TANGO6: variants seen among roughly 807,000 people sequenced by gnomAD.
TANGO6 encodes the protein transport and Golgi organization protein 6 homolog.
Under a neutral mutation model 114.2 loss-of-function variants are expected in TANGO6, and 90 were observed. That is an observed-to-expected ratio of 0.79 (90% CI 0.66 to 0.94). The LOEUF (loss-of-function observed/expected upper bound fraction) is 0.94, where lower values mean the gene tolerates loss of function less well. Among genes scored for constraint, TANGO6 ranks in the 40% least tolerant of loss-of-function variants. The pLI, the probability that TANGO6 is intolerant of heterozygous loss-of-function variation, is 0.00. For synonymous variants in TANGO6, 477 were observed against 509.8 expected, an observed-to-expected ratio of 0.94 and a Z score of 0.87; for missense variants, 1,274 against 1,315.3, an observed-to-expected ratio of 0.97 and a Z score of 0.49.
chr16:68,996,269 A>G (rs978933545), intron 15 of TANGO6, among the ~76,000 whole-genome samples: 1 of 152,224 alleles, frequency 6.6e-6, no homozygotes, highest in African/African-American at 2.4e-5. Flanking sequence ...TTAATTCTCT[A>G]AATGGCTTTT....
chr16:68,890,168 C>T (rs554099284), intron 7 of TANGO6, among the ~76,000 whole-genome samples: 129 of 152,254 alleles, frequency 8.5e-4, no homozygotes, highest in Non-Finnish European at 5.9e-4. Context: ...AGCTTGATTC[C>T]GAATAGGCCC....
chr16:68,912,092 A>G (rs940708829), intron 11 of TANGO6, among the ~76,000 whole-genome samples: 1 of 152,232 alleles, frequency 6.6e-6, no homozygotes, highest in Non-Finnish European at 1.5e-5. Flanking sequence ...AGAATAAAGC[A>G]TTTGTCTTGT....
At position 68,867,465 on chromosome 16, in the gene TANGO6, G is replaced by C. The variant is rs567975045; in HGVS notation, c.994+245G>C. The stretch of plus-strand genomic sequence containing the variant: ...CCTATTTTATTGAACAATATTGTAA[G>C]CCATTTCAAATAATTTATACTATCT... On this transcript the variant is annotated intron_variant, in intron 4 of 17. Coordinates refer to ENST00000261778, the MANE Select transcript of TANGO6 (RefSeq NM_024562.2). 6.7e-5 allele frequency: 28 copies of C among 415,276 alleles called. No homozygotes were observed. In the South Asian group the frequency reaches 1.0e-3, roughly 15 times the overall value. 25.7% of individuals were successfully genotyped at this position (415,276 alleles called of 1,614,324 possible). A position where few individuals can be genotyped will look rare whatever the true frequency, so the allele number is the denominator to read the frequency against.
chr16:68,968,479 C>T (rs1372784378), intron 14 of TANGO6, among the ~76,000 whole-genome samples: 1 of 151,460 alleles, frequency 6.6e-6, no homozygotes, highest in Non-Finnish European at 1.5e-5. Context: ...ATTCTCCTGT[C>T]TCAGCCTCCC....
intron 16 of TANGO6, among the ~76,000 whole-genome samples, chr16:69,036,854 T>C (rs536694677): frequency 6.6e-6 from 1 of 152,062 alleles, no homozygotes; most frequent in South Asian, 2.1e-4. Context: ...TCCCAGCTAC[T>C]CCGGAGGCCG....
chr16:69,030,602 T>C (rs1959578383), intron 16 of TANGO6, among the ~76,000 whole-genome samples: 1 of 151,978 alleles, frequency 6.6e-6, no homozygotes, highest in Non-Finnish European at 1.5e-5. Context: ...GCCATGTTAC[T>C]TTATAGCCTC....
In TANGO6 at chr16:69,084,444, C is replaced by G. The variant is rs916048084; in HGVS notation, c.*783C>G. 1.3e-5 allele frequency: 2 copies of G among 152,330 alleles called. No homozygotes were observed. Among genetic ancestry groups the G allele is most frequent in the Non-Finnish European group, 1.5e-5 (1 of 68,052 alleles). 9.4% of individuals were successfully genotyped at this position (152,330 alleles called of 1,614,324 possible). A position where few individuals can be genotyped will look rare whatever the true frequency, so the allele number is the denominator to read the frequency against. On this transcript the variant is annotated 3_prime_UTR_variant, in exon 18 of 18. Transcript: ENST00000261778. Reference sequence around the variant, plus strand: ...AGCATCCAGAGAGTTTACATCCTGCCTTCTGTCCTCTGCTCCTTCAGAAAG... The same window carrying G: ...AGCATCCAGAGAGTTTACATCCTGCGTTCTGTCCTCTGCTCCTTCAGAAAG...
chr16:68,969,738 G>A (rs920034029), intron 14 of TANGO6, among the ~76,000 whole-genome samples: 1 of 152,020 alleles, frequency 6.6e-6, no homozygotes, highest in Non-Finnish European at 1.5e-5. Context: ...AAAAGGGTGT[G>A]TTAGGATTAT....
At chr16:68,901,446 A>T (rs1395002418) in intron 8 of TANGO6, among the ~76,000 whole-genome samples, 1 of 152,234 alleles carries the variant, frequency 6.6e-6, no homozygotes, top group South Asian at 2.1e-4. Flanking sequence ...GGGAGGCTGT[A>T]CATCTGTGAA....
intron 17 of TANGO6, among the ~76,000 whole-genome samples, chr16:69,077,221 A>T (rs1567571812): frequency 1.3e-5 from 2 of 150,992 alleles, no homozygotes; most frequent in African/African-American, 2.4e-5. Flanking sequence ...ATTTTATTTT[A>T]TTTTATTTTT....
At chr16:68,970,823 AC>A (rs1963696032) in intron 14 of TANGO6, among the ~76,000 whole-genome samples, 1 of 152,166 alleles carries the variant, frequency 6.6e-6, no homozygotes, top group Admixed American at 6.5e-5. Context: ...CTAAAAGGAA[AC>A]ACCCACCAGA....
chr16:68,899,745 G>C (rs1250605683), intron 7 of TANGO6, among the ~76,000 whole-genome samples: 2 of 151,976 alleles, frequency 1.3e-5, no homozygotes, highest in East Asian at 3.9e-4. Context: ...GACTGTAGGT[G>C]TGCACTACCA....
chr16:68,967,323 A>G (rs1963656298), intron 14 of TANGO6, among the ~76,000 whole-genome samples: 2 of 152,158 alleles, frequency 1.3e-5, no homozygotes, highest in Non-Finnish European at 2.9e-5. Context: ...GCAGTTCACA[A>G]TAGGGTTCAC....
rs149642811 is a variant in TANGO6, at chr16:68,958,877, G to A, written c.2702-15151G>A. Among the ~76,000 whole-genome samples the A allele has an allele frequency of 6.5e-3, 985 of 152,178 alleles. 9 individuals carry two copies. The highest frequency in any genetic ancestry group is 0.023 in the African/African-American group (939 of 41,524). ...CATCTGAGGCCAGGAGTTCAAGGTTGCAGTGAGCCATGATCATGCCACTGC... is the reference window on the plus strand; with the variant it reads ...CATCTGAGGCCAGGAGTTCAAGGTTACAGTGAGCCATGATCATGCCACTGC... On this transcript the variant is annotated intron_variant, in intron 14 of 17. Coordinates refer to ENST00000261778, the MANE Select transcript of TANGO6 (RefSeq NM_024562.2).
intron 17 of TANGO6, among the ~76,000 whole-genome samples, chr16:69,050,515 A>T (rs1439609588): frequency 2.1e-5 from 3 of 145,538 alleles, no homozygotes; most frequent in Admixed American, 7.0e-5. Flanking sequence ...TTTGAGACGG[A>T]GTCTTGCTCT....
Position 68,849,489 on chromosome 16 carries a change from T to TA in TANGO6, c.94+5786dup, listed in dbSNP as rs200272298. Among the ~76,000 whole-genome samples the TA allele has an allele frequency of 2.0e-3, 299 of 151,494 alleles. 2 individuals carry two copies. The highest frequency in any genetic ancestry group is 1.6e-4 in the Non-Finnish European group (11 of 67,888). Reference sequence around the variant, plus strand: ...CTGTCTCTACAAAAAATACAGAAATTAAAAAAAACAAAATACAGAAATTAG... The same window carrying TA: ...CTGTCTCTACAAAAAATACAGAAATTAAAAAAAAACAAAATACAGAAATTAG... On this transcript the variant is annotated intron_variant, in intron 1 of 17. Coordinates refer to ENST00000261778, the MANE Select transcript of TANGO6 (RefSeq NM_024562.2).
intron 14 of TANGO6, among the ~76,000 whole-genome samples, chr16:68,959,021 T>C (rs1307822699): frequency 1.3e-5 from 2 of 152,238 alleles, no homozygotes; most frequent in African/African-American, 4.8e-5. Flanking sequence ...TTAACCCCTG[T>C]GTAGAACCCT....
intron 15 of TANGO6, among the ~76,000 whole-genome samples, chr16:68,977,836 C>T (rs1312496497): frequency 6.6e-6 from 1 of 151,668 alleles, no homozygotes; most frequent in Non-Finnish European, 1.5e-5. Context: ...CAGGCCCACA[C>T]CACCACGCCC....
intron 14 of TANGO6, among the ~76,000 whole-genome samples, chr16:68,963,279 G>A (rs968788801): frequency 2.3e-4 from 35 of 151,978 alleles, no homozygotes; most frequent in African/African-American, 8.2e-4. Flanking sequence ...GGGCTACCAC[G>A]CCTGGCTAAT....
Sources: gnomAD v4.1 joint callset for allele counts (sites outside exome capture counted in the v4.1 genomes callset) on GRCh38, gnomAD v4.1.1 for gene constraint, MANE v1.5 for transcripts, NCBI Gene and HGNC (gene_info 2026-07-23, HGNC 2026-07-21) for gene names.